Variants in SGSM3 observed in about 807,000 individuals in gnomAD.
SGSM3 encodes small G protein signaling modulator 3.
Under a neutral mutation model 100.5 loss-of-function variants are expected in SGSM3, and 96 were observed. The ratio of observed to expected loss-of-function variants is 0.96; its 90% CI spans 0.81 to 1.13. The LOEUF is 1.13. Among genes scored for constraint, SGSM3 ranks in the 50% most tolerant of loss-of-function variants. The pLI is 0.00. For synonymous variants in SGSM3, 483 were observed against 422.8 expected, an observed-to-expected ratio of 1.14 and a Z score of -1.75; for missense variants, 1,001 against 1,015.8, an observed-to-expected ratio of 0.99 and a Z score of 0.20.
chr22:40,401,690 C>T lies in SGSM3; in HGVS notation c.90+15C>T. The T allele has an allele frequency of 6.2e-6, 10 of 1,605,372 alleles. No homozygotes were observed. Among genetic ancestry groups the T allele is most frequent in the African/African-American group, 1.3e-5 (1 of 74,838 alleles). ...AGTACACGCAGGTATAGCAGTTAGC[C>T]AGGCACCAGCCTGCTGTGCTCCCAC... On this transcript the variant is annotated intron_variant, in intron 3 of 21. Transcript: ENST00000248929.
At chr22:40,397,222 A>G (rs1053858439) in intron 1 of SGSM3, among the ~76,000 whole-genome samples, 3 of 152,160 alleles carry the variant, frequency 2.0e-5, no homozygotes, top group Non-Finnish European at 2.9e-5. Context: ...TATACATTAC[A>G]TACATTTATA....
chr22:40,409,202 G>C, intron 19 of SGSM3, 48 bp from the exon 20 acceptor site: 1 of 1,560,042 alleles, frequency 6.4e-7, no homozygotes, highest in Non-Finnish European at 8.6e-7. Flanking sequence ...GCTGCAGCCA[G>C]AAGGGCCTGG....
intron 1 of SGSM3, among the ~76,000 whole-genome samples, chr22:40,380,587 G>T (rs536746806): frequency 6.6e-6 from 1 of 151,936 alleles, no homozygotes; most frequent in African/African-American, 2.4e-5. Context: ...GGCTGGTCTC[G>T]AACTCCTGAC....
At chr22:40,391,820 G>T (rs1346456463) in intron 1 of SGSM3, among the ~76,000 whole-genome samples, 1 of 152,172 alleles carries the variant, frequency 6.6e-6, no homozygotes, top group Non-Finnish European at 1.5e-5. Context: ...GAGCATTTGT[G>T]CAGAGTGCCC....
intron 19 of SGSM3, 29 bp downstream of exon 19, chr22:40,409,047 G>A (rs2147022580): frequency 6.4e-7 from 1 of 1,554,728 alleles, no homozygotes; most frequent in Non-Finnish European, 8.7e-7. Flanking sequence ...TTGGAGGAGA[G>A]CCCTGGAGTG....
intron 1 of SGSM3, among the ~76,000 whole-genome samples, chr22:40,371,880 A>G (rs2045570160): frequency 6.6e-6 from 1 of 151,330 alleles, no homozygotes; most frequent in African/African-American, 2.4e-5. Flanking sequence ...TATTTTTAAT[A>G]GAGACGGGGT....
Position 40,407,566 on chromosome 22 carries a change from A to C in SGSM3, c.1522A>C (p.Thr508Pro), listed in dbSNP as rs1301970246. Reference sequence around the variant, plus strand: ...GGGCTTCCGCAAGAACGACATCATCACAGTGCGTGGGGGCGCTGGACTACC... The same window carrying C: ...GGGCTTCCGCAAGAACGACATCATCCCAGTGCGTGGGGGCGCTGGACTACC... ...ELGFRKNDIITIVSQKDEHCW... is the reference protein window; with the variant it reads ...ELGFRKNDIIPIVSQKDEHCW... Residue 508 changes from threonine (T) to proline (P), a missense_variant and splice_region_variant, in exon 13 of 22, where the codon ACA becomes CCA. Thr to Pro is a conservative substitution (Grantham distance 38). Transcript: ENST00000248929. The surrounding 1 kb of genome is among the most constrained non-coding windows in gnomAD (Gnocchi z 4.7). 6.2e-7 allele frequency: 1 copy of C among 1,602,850 alleles called. No individual in the cohort carries two copies. Among genetic ancestry groups the C allele is most frequent in the Non-Finnish European group, 8.5e-7 (1 of 1,179,578 alleles).
chr22:40,386,772 T>A (rs972642172), intron 1 of SGSM3, among the ~76,000 whole-genome samples: 2 of 152,002 alleles, frequency 1.3e-5, no homozygotes, highest in African/African-American at 4.8e-5. Flanking sequence ...AGGATCCTTC[T>A]AACTCTATAA....
rs771012103 is a variant in SGSM3, at chr22:40,408,622, C to T, written c.1783-5C>T. ...CTGCACTCACACCGTGTGCTGTCCC[C>T]ACAGGCTGCAGGCCGGGAGGTCGAG... On this transcript the variant is annotated splice_polypyrimidine_tract_variant and splice_region_variant and intron_variant, in intron 16 of 21. Coordinates refer to ENST00000248929, the MANE Select transcript of SGSM3 (RefSeq NM_015705.6). 1.2e-6 allele frequency: 2 copies of T among 1,613,796 alleles called. No individual in the cohort carries two copies. Among genetic ancestry groups the T allele is most frequent in the African/African-American group, 1.3e-5 (1 of 75,010 alleles).
At chr22:40,402,468 G>C (rs2050879777) in intron 4 of SGSM3, among the ~76,000 whole-genome samples, 1 of 152,176 alleles carries the variant, frequency 6.6e-6, no homozygotes, top group South Asian at 2.1e-4. Context: ...GGCTGGACGT[G>C]GTGGCTCACG....
At chr22:40,386,932 C>T (rs1234867542) in intron 1 of SGSM3, among the ~76,000 whole-genome samples, 1 of 152,132 alleles carries the variant, frequency 6.6e-6, no homozygotes, top group Non-Finnish European at 1.5e-5. Context: ...AATTTTCACA[C>T]ACAAAAAATT....
At position 40,408,381 on chromosome 22, in the gene SGSM3, G is replaced by A. The variant is rs763310288; in HGVS notation, c.1734G>A (p.Lys578=). The change falls in exon 16 of 22, where the codon AAG becomes AAA. Residue 578 remains lysine, a synonymous_variant. Coordinates refer to ENST00000248929, the MANE Select transcript of SGSM3 (RefSeq NM_015705.6). ...CCCTGTTCGAACATGGACTGAAGAAGCCATCCCTGCTTGGGGGCGCCTGCC... is the reference window on the plus strand; with the variant it reads ...CCCTGTTCGAACATGGACTGAAGAAACCATCCCTGCTTGGGGGCGCCTGCC... ...LKALFEHGLK[K]PSLLGGACHP... 2.0e-5 allele frequency: 32 copies of A among 1,613,454 alleles called. No homozygotes were observed. The highest frequency in any genetic ancestry group is 2.7e-5 in the Non-Finnish European group (32 of 1,180,014).
rs778093287 is a variant in SGSM3, at chr22:40,405,190, G to C, written c.524G>C (p.Ser175Thr). 1 of 1,587,274 alleles carries C rather than the reference G, an allele frequency of 6.3e-7. No individual in the cohort carries two copies. The highest frequency in any genetic ancestry group is 1.1e-5 in the South Asian group (1 of 88,532). The change falls in exon 7 of 22, where the codon AGC (serine) becomes ACC (threonine). Residue 175 changes from serine to threonine, a missense_variant. Ser to Thr is a moderately conservative substitution (Grantham distance 58). Transcript: ENST00000248929. ...RTMPSNACFA[S>T]MGSIGVPRLR... ...ATGCCCAGCAACGCCTGCTTCGCCAGCATGGGTAGCATCGGGGTGCCCCGC... is the reference window on the plus strand; with the variant it reads ...ATGCCCAGCAACGCCTGCTTCGCCACCATGGGTAGCATCGGGGTGCCCCGC...
Position 40,400,766 on chromosome 22 carries a change from T to C in SGSM3, c.-41T>C. ...CTAAGATAGCAGGATAGGAGACTTC[T>C]AAGATTGGAGCTGCAGAAGACTTGC... On this transcript the variant is annotated 5_prime_UTR_variant, in exon 2 of 22. Transcript: ENST00000248929. 6.4e-7 allele frequency: 1 copy of C among 1,550,992 alleles called. No individual in the cohort carries two copies.
chr22:40,398,411 G>T (rs965080614), intron 1 of SGSM3, among the ~76,000 whole-genome samples: 1 of 141,452 alleles, frequency 7.1e-6, no homozygotes, highest in Non-Finnish European at 1.5e-5. Context: ...GATCAGGAAA[G>T]GGGAGGGACT....
intron 1 of SGSM3, among the ~76,000 whole-genome samples, chr22:40,383,776 T>C (rs2047971140): frequency 6.6e-6 from 1 of 152,246 alleles, no homozygotes; most frequent in Admixed American, 6.5e-5. Context: ...ACCTACTCTT[T>C]GTTTAACATA....
chr22:40,391,303 C>A (rs1221985829), intron 1 of SGSM3, among the ~76,000 whole-genome samples: 1 of 152,108 alleles, frequency 6.6e-6, no homozygotes, highest in Non-Finnish European at 1.5e-5. Context: ...CTGATACACT[C>A]TGTATTTTGA....
intron 1 of SGSM3, among the ~76,000 whole-genome samples, chr22:40,397,402 A>T (rs914032700): frequency 5.5e-5 from 8 of 146,380 alleles, no homozygotes; most frequent in African/African-American, 2.0e-4. Flanking sequence ...CCTTGTCTCT[A>T]AAAAAAAAAA....
At chr22:40,374,222 G>A (rs754214973) in intron 1 of SGSM3, among the ~76,000 whole-genome samples, 32 of 152,182 alleles carry the variant, frequency 2.1e-4, no homozygotes, top group Non-Finnish European at 3.2e-4. Context: ...AAAGTGCTGG[G>A]ATTACAGGTG....
Sources: allele counts gnomAD v4.1 joint callset (sites outside exome capture counted in the v4.1 genomes callset), GRCh38; gene constraint gnomAD v4.1.1; non-coding constraint Gnocchi (gnomAD v3.1); transcripts MANE v1.5; gene names NCBI Gene and HGNC (gene_info 2026-07-23, HGNC 2026-07-21).